Variants in VPS54 observed in about 807,000 individuals in gnomAD.
The protein encoded by VPS54 is vacuolar protein sorting-associated protein 54.
In VPS54, 45 loss-of-function variants were observed where a neutral mutation model predicts 121.5. The observed-to-expected ratio is 0.37, with a 90% CI of 0.29 to 0.47. The LOEUF (loss-of-function observed/expected upper bound fraction) is 0.47. Among genes scored for constraint, VPS54 ranks in the 20% least tolerant of loss-of-function variants. The pLI is 0.99. For synonymous variants in VPS54, 371 were observed against 385.8 expected (o/e 0.96, Z 0.45); for missense variants, 1,090 against 1,131.4 (o/e 0.96, Z 0.52).
At chr2:63,894,131 TCAGACTAGCAA>T (rs1221227182) in intron 22 of VPS54, among the ~76,000 whole-genome samples, 10 of 152,134 alleles carry the variant, frequency 6.6e-5, no homozygotes, top group African/African-American at 2.4e-4. Flanking sequence ...CTATCCCCCA[TCAGACTAGCAA>T]CAATTAGGAA....
intron 1 of VPS54, among the ~76,000 whole-genome samples, chr2:63,998,353 A>G (rs1479514026): frequency 6.6e-6 from 1 of 152,116 alleles, no homozygotes; most frequent in African/African-American, 2.4e-5. Context: ...CTGTTTTTCT[A>G]TCCATGCAGC....
intron 12 of VPS54, among the ~76,000 whole-genome samples, chr2:63,928,999 G>A (rs1321018499): frequency 6.6e-6 from 1 of 152,032 alleles, no homozygotes; most frequent in South Asian, 2.1e-4. Flanking sequence ...ACCAATACAG[G>A]AGCACCCAGA....
rs553257265 is a variant in VPS54 at position 64,018,119 on chromosome 2, G to T, written c.-21+819C>A. ...ATTTATCACGGTATTACTTAAAGGCGTTTAGTATTAAGACCGCCCTTGATT... is the reference window on the plus strand; with the variant it reads ...ATTTATCACGGTATTACTTAAAGGCTTTTAGTATTAAGACCGCCCTTGATT... On this transcript the variant is annotated intron_variant, in intron 1 of 22. Coordinates refer to ENST00000272322, the MANE Select transcript of VPS54 (RefSeq NM_016516.3). Among the ~76,000 whole-genome samples the T allele has an allele frequency of 4.6e-5, 7 of 152,240 alleles. 1 individual carries two copies. Among genetic ancestry groups the T allele is most frequent in the Admixed American group, 3.3e-4 (5 of 15,284 alleles).
At chr2:63,959,544 T>C (rs1295080936) in intron 7 of VPS54, among the ~76,000 whole-genome samples, 1 of 152,122 alleles carries the variant, frequency 6.6e-6, no homozygotes, top group African/African-American at 2.4e-5. Context: ...TAGAAAGATA[T>C]TGAGCAAAAT....
At chr2:63,962,913 TC>T (rs1171803972) in intron 6 of VPS54, among the ~76,000 whole-genome samples, 3 of 152,162 alleles carry the variant, frequency 2.0e-5, no homozygotes, top group Non-Finnish European at 4.4e-5. Flanking sequence ...ATCTAATTTT[TC>T]TAATTTTAAC....
chr2:63,925,869 T>A (rs1375543477), intron 12 of VPS54, among the ~76,000 whole-genome samples: 1 of 152,180 alleles, frequency 6.6e-6, no homozygotes, highest in Non-Finnish European at 1.5e-5. Flanking sequence ...CTGGTAAAGT[T>A]ATAGTTCTTG....
rs770687071 is a variant in VPS54 at position 63,899,471 on chromosome 2, C to T, written c.2733+3G>A. ...ATGAATAGTTTTAGGAATTACTTCT[C>T]ACCTGTGTTTGTTCTTCTGGAAGGA... On this transcript the variant is annotated splice_donor_region_variant and intron_variant, in intron 21 of 22. Transcript: ENST00000272322. The T allele has an allele frequency of 6.2e-7, 1 of 1,612,338 alleles. No homozygotes were observed. Among genetic ancestry groups the T allele is most frequent in the Non-Finnish European group, 8.5e-7 (1 of 1,178,860 alleles).
chr2:63,904,724 C>G (rs1356825943), intron 20 of VPS54, among the ~76,000 whole-genome samples: 1 of 152,190 alleles, frequency 6.6e-6, no homozygotes, highest in Non-Finnish European at 1.5e-5. Flanking sequence ...ACAGGACACT[C>G]TACCCAGCAA....
intron 1 of VPS54, among the ~76,000 whole-genome samples, 200 bp downstream of exon 1, chr2:64,018,738 A>C (rs1390759047): frequency 9.8e-6 from 1 of 101,834 alleles, no homozygotes; most frequent in Non-Finnish European, 2.0e-5. Context: ...CCGGAGGGAG[A>C]GTGAAAAGGA....
In VPS54 at chr2:63,966,028, C is replaced by T. The variant is rs1675978213; in HGVS notation, c.493-62G>A. ...ATTTTCTTTATACCCATTATCTCTT[C>T]TAACATCATGATCATTAAACAAAAT... On this transcript the variant is annotated intron_variant, in intron 5 of 22. Transcript: ENST00000272322. 7 of 1,503,986 alleles carry T rather than the reference C, an allele frequency of 4.7e-6. No individual in the cohort carries two copies. The Admixed American group carries it at 1.3e-4, about 28-fold the overall frequency. The allele number at this position is 1,503,986 out of a possible 1,614,324, so 93.2% of individuals were successfully genotyped here.
chr2:63,988,665 CTTTAT>C (rs1250591500), intron 1 of VPS54, among the ~76,000 whole-genome samples: 6 of 152,146 alleles, frequency 3.9e-5, no homozygotes, highest in African/African-American at 1.4e-4. Flanking sequence ...CTATGCCTGT[CTTTAT>C]TTTAATCTCT....
intron 1 of VPS54, among the ~76,000 whole-genome samples, chr2:63,987,170 A>G (rs866833702): frequency 6.6e-6 from 1 of 152,314 alleles, no homozygotes; most frequent in African/African-American, 2.4e-5. Flanking sequence ...CATTTTCCCC[A>G]AGGCTTTCTT....
intron 3 of VPS54, among the ~76,000 whole-genome samples, chr2:63,978,879 C>T (rs1404938174): frequency 6.6e-5 from 10 of 152,192 alleles, no homozygotes; most frequent in Admixed American, 6.5e-4. Flanking sequence ...CATGGCCTCC[C>T]AAAGTGTGGG....
intron 12 of VPS54, among the ~76,000 whole-genome samples, chr2:63,926,602 C>T (rs775062878): frequency 5.9e-5 from 9 of 152,140 alleles, no homozygotes; most frequent in Admixed American, 5.2e-4. Flanking sequence ...GCATTTCCAA[C>T]TGAGGTACCT....
chr2:63,934,958 C>T (rs534205987), intron 11 of VPS54, among the ~76,000 whole-genome samples: 9 of 152,224 alleles, frequency 5.9e-5, no homozygotes, highest in East Asian at 3.9e-4. Context: ...TTTCTCAAAA[C>T]GCTTGGTTAG....
intron 20 of VPS54, among the ~76,000 whole-genome samples, chr2:63,908,179 T>C (rs186390739): frequency 6.6e-6 from 1 of 152,296 alleles, no homozygotes; most frequent in Admixed American, 6.5e-5. Context: ...TGTCTATCAA[T>C]TGGTGAATGG....
intron 20 of VPS54, among the ~76,000 whole-genome samples, chr2:63,904,241 C>A (rs1672808861): frequency 6.6e-6 from 1 of 151,848 alleles, no homozygotes; most frequent in African/African-American, 2.4e-5. Flanking sequence ...GGAATTGAGA[C>A]CAGCCTGGCC....
At chr2:64,000,535 G>A (rs998116218) in intron 1 of VPS54, among the ~76,000 whole-genome samples, 1 of 152,196 alleles carries the variant, frequency 6.6e-6, no homozygotes, top group African/African-American at 2.4e-5. Flanking sequence ...TCCTGGGAAG[G>A]CTTTCCAGAT....
chr2:63,912,805 G>A, intron 18 of VPS54, 144 bp from the exon 19 acceptor site: 3 of 1,011,576 alleles, frequency 3.0e-6, no homozygotes, highest in Non-Finnish European at 4.2e-6. Context: ...TATGGCAGAA[G>A]GCAACATATT....
Sources: allele counts gnomAD v4.1 joint callset (sites outside exome capture counted in the v4.1 genomes callset), GRCh38; gene constraint gnomAD v4.1.1; transcripts MANE v1.5; gene names NCBI Gene and HGNC (gene_info 2026-07-23, HGNC 2026-07-21).